ATP8A1: variants seen among roughly 807,000 people sequenced by gnomAD.
The protein encoded by ATP8A1 is ATPase phospholipid transporting 8A1.
ATP8A1 carries 90 observed loss-of-function variants against 177.7 expected under a neutral mutation model. The ratio of observed to expected loss-of-function variants is 0.51; its 90% CI spans 0.43 to 0.60. The LOEUF (loss-of-function observed/expected upper bound fraction) is 0.60, where lower values mean the gene tolerates loss of function less well. Among genes scored for constraint, ATP8A1 ranks in the 20% least tolerant of loss-of-function variants. ATP8A1 has a pLI of 0.00. For synonymous variants in ATP8A1, 493 were observed against 485.9 expected (o/e 1.01, Z -0.19); for missense variants, 1,072 against 1,392.8 (o/e 0.77, Z 3.67).
intron 1 of ATP8A1, among the ~76,000 whole-genome samples, chr4:42,643,960 G>A (rs1021136590): frequency 1.1e-4 from 16 of 152,172 alleles, no homozygotes; most frequent in Admixed American, 2.0e-4. Context: ...TTCAAGCGTA[G>A]TTATGTCACA....
At chr4:42,624,451 A>G in intron 4 of ATP8A1, 85 bp downstream of exon 4, 1 of 713,900 alleles carries the variant, frequency 1.4e-6, no homozygotes, top group Non-Finnish European at 2.2e-6. Flanking sequence ...CACGCCAAGA[A>G]TTAAATAATT....
At chr4:42,610,800 AG>A (rs1225139273) in intron 5 of ATP8A1, among the ~76,000 whole-genome samples, 1 of 152,188 alleles carries the variant, frequency 6.6e-6, no homozygotes, top group Non-Finnish European at 1.5e-5. Flanking sequence ...TTAAGTCCCT[AG>A]GATCACTGAA....
At chr4:42,575,995 T>C (rs531890508) in intron 12 of ATP8A1, among the ~76,000 whole-genome samples, 29 of 152,090 alleles carry the variant, frequency 1.9e-4, no homozygotes, top group Non-Finnish European at 4.3e-4. Flanking sequence ...AATGACCTAT[T>C]ATAAGGATTA....
At chr4:42,513,379 C>A (rs1279108931) in intron 22 of ATP8A1, among the ~76,000 whole-genome samples, 1 of 152,114 alleles carries the variant, frequency 6.6e-6, no homozygotes. Flanking sequence ...TATACATGTA[C>A]TCTTATGTGA....
At chr4:42,602,006 T>A (rs951191745) in intron 5 of ATP8A1, among the ~76,000 whole-genome samples, 2 of 152,084 alleles carry the variant, frequency 1.3e-5, no homozygotes, top group African/African-American at 4.8e-5. Context: ...ATTTTTTTTT[T>A]ATTACTTGTA....
intron 10 of ATP8A1, 107 bp downstream of exon 10, chr4:42,581,514 G>T: frequency 1.3e-6 from 1 of 798,138 alleles, no homozygotes; most frequent in Non-Finnish European, 2.2e-6. Context: ...TGGATCAGGA[G>T]TCTGTGACAG....
At chr4:42,615,108 G>T (rs1181573886) in intron 5 of ATP8A1, among the ~76,000 whole-genome samples, 1 of 152,106 alleles carries the variant, frequency 6.6e-6, no homozygotes, top group Admixed American at 6.6e-5. Context: ...TTTATAAGTT[G>T]TAAGTTGAAA....
chr4:42,495,186 T>C (rs1210547315), intron 24 of ATP8A1, among the ~76,000 whole-genome samples: 1 of 152,216 alleles, frequency 6.6e-6, no homozygotes, highest in African/African-American at 2.4e-5. Context: ...ACTCTTACAC[T>C]CTCCAAATGT....
At chr4:42,574,838 C>A in intron 13 of ATP8A1, 131 bp from the exon 14 acceptor site, 1 of 610,196 alleles carries the variant, frequency 1.6e-6, no homozygotes, top group Non-Finnish European at 2.8e-6. Flanking sequence ...ATTTTCTGCC[C>A]ATTTATCAAG....
chr4:42,545,499 C>G lies in ATP8A1; in HGVS notation c.1653-1513G>C, dbSNP rs1466362801. 2.6e-5 allele frequency among the ~76,000 whole-genome samples: 4 copies of G among 152,188 alleles called. No individual in the cohort carries two copies. The East Asian group carries it at 7.7e-4, about 29-fold the overall frequency. ...ACCCGGCCATAGAGACTAGCAAATA[C>G]ATGATATACAACACCAACTGGGTGC... On this transcript the variant is annotated intron_variant, in intron 19 of 36. Coordinates refer to ENST00000381668, the MANE Select transcript of ATP8A1 (RefSeq NM_006095.2).
chr4:42,575,525 A>G, intron 13 of ATP8A1, 97 bp downstream of exon 13: 1 of 916,394 alleles, frequency 1.1e-6, no homozygotes, highest in Non-Finnish European at 1.7e-6. Flanking sequence ...TGGAAAATTA[A>G]AAGCTGTCCA....
chr4:42,623,009 C>CAAACAAAAA (rs1553918289), intron 4 of ATP8A1, among the ~76,000 whole-genome samples: 1 of 116,140 alleles, frequency 8.6e-6, no homozygotes, highest in Non-Finnish European at 1.8e-5. Flanking sequence ...AACTCTGTCT[C>CAAACAAAAA]AAAAAAAAAA....
chr4:42,649,978 G>A (rs1406746706), intron 1 of ATP8A1, among the ~76,000 whole-genome samples: 2 of 152,108 alleles, frequency 1.3e-5, no homozygotes, highest in African/African-American at 4.8e-5. Flanking sequence ...GAAGGTTTGG[G>A]CTCCTTTCGC....
chr4:42,522,526 A>G (rs1193058879), intron 21 of ATP8A1, among the ~76,000 whole-genome samples: 2 of 152,202 alleles, frequency 1.3e-5, no homozygotes, highest in Non-Finnish European at 2.9e-5. Flanking sequence ...CTTTTAATCC[A>G]TCTTCCATGC....
At chr4:42,551,924 C>T (rs866950586) in intron 17 of ATP8A1, among the ~76,000 whole-genome samples, 52 of 152,248 alleles carry the variant, frequency 3.4e-4, no homozygotes, top group African/African-American at 1.2e-3. Context: ...AAGTTCTCAT[C>T]AAACTGACTA....
intron 27 of ATP8A1, among the ~76,000 whole-genome samples, chr4:42,460,387 T>C (rs1718987893): frequency 6.9e-6 from 1 of 144,426 alleles, no homozygotes; most frequent in African/African-American, 2.7e-5. Context: ...ATCTTTTTTT[T>C]TTTTTTTTTT....
At chr4:42,644,881 T>C (rs1297821933) in intron 1 of ATP8A1, among the ~76,000 whole-genome samples, 1 of 152,014 alleles carries the variant, frequency 6.6e-6, no homozygotes, top group Non-Finnish European at 1.5e-5. Flanking sequence ...GACGAAAATA[T>C]ACTCCTTGAA....
intron 25 of ATP8A1, among the ~76,000 whole-genome samples, chr4:42,478,911 C>A (rs1158428707): frequency 6.6e-6 from 1 of 152,088 alleles, no homozygotes; most frequent in African/African-American, 2.4e-5. Context: ...AAAGAATGTC[C>A]ATTTTTTCAA....
chr4:42,636,156 A>ACACACACACACGCGCGCGCGCGTGCGCG (rs565139270), intron 1 of ATP8A1, among the ~76,000 whole-genome samples: 8 of 90,968 alleles, frequency 8.8e-5, no homozygotes, highest in African/African-American at 2.3e-4. Context: ...ACACACACAC[A>ACACACACACACGCGCGCGCGCGTGCGCG]CGCACACACA....
Sources: allele counts gnomAD v4.1 joint callset (sites outside exome capture counted in the v4.1 genomes callset), GRCh38; gene constraint gnomAD v4.1.1; transcripts MANE v1.5; gene names NCBI Gene and HGNC (gene_info 2026-07-23, HGNC 2026-07-21).